The following LPAR1 variants were observed in gnomAD, a reference collection of about 807,000 sequenced individuals.
The protein encoded by LPAR1 is lysophosphatidic acid receptor 1.
LPAR1 carries 5 observed loss-of-function variants against 23.8 expected under a neutral mutation model. That is an observed-to-expected ratio of 0.21 (90% CI 0.11 to 0.44). The LOEUF is 0.44. LPAR1 is among the 20% of genes least tolerant of loss of function. The pLI is 0.99. For synonymous variants in LPAR1, 160 were observed against 164.7 expected, an observed-to-expected ratio of 0.97 and a Z score of 0.22; for missense variants, 311 against 482.8, an observed-to-expected ratio of 0.64 and a Z score of 3.33.
chr9:110,950,590 T>A (rs1194092523), intron 4 of LPAR1, among the ~76,000 whole-genome samples: 7 of 152,208 alleles, frequency 4.6e-5, no homozygotes, highest in Admixed American at 4.6e-4. Flanking sequence ...TTTAACAAAT[T>A]TTCTGAATTA....
At chr9:110,998,826 C>T (rs2097072568) in intron 2 of LPAR1, among the ~76,000 whole-genome samples, 1 of 152,156 alleles carries the variant, frequency 6.6e-6, no homozygotes, top group Admixed American at 6.5e-5. Flanking sequence ...AAGATCACAC[C>T]ATAGCTCTAC....
intron 2 of LPAR1, among the ~76,000 whole-genome samples, chr9:111,027,267 G>A (rs989963988): frequency 6.6e-6 from 1 of 152,086 alleles, no homozygotes. Context: ...AACAGTTTGG[G>A]AAGTCAAGGT....
chr9:110,962,766 AG>A (rs2096052484), intron 4 of LPAR1, among the ~76,000 whole-genome samples: 1 of 152,220 alleles, frequency 6.6e-6, no homozygotes, highest in Non-Finnish European at 1.5e-5. Flanking sequence ...GTTTAACTTA[AG>A]GGCAGCTCTT....
At position 111,025,014 on chromosome 9, in the gene LPAR1, G is replaced by A. The variant is rs139748813; in HGVS notation, c.-182+11108C>T. On this transcript the variant is annotated intron_variant, in intron 2 of 5. Transcript: ENST00000683809. ...AAATAGTGCTGCAATAAACATACGTGTGCATGTGTCTTTATAGTAGAATGA... is the reference window on the plus strand; with the variant it reads ...AAATAGTGCTGCAATAAACATACGTATGCATGTGTCTTTATAGTAGAATGA... 2.2e-3 allele frequency among the ~76,000 whole-genome samples: 338 copies of A among 152,242 alleles called. 2 individuals are homozygous for A. Among genetic ancestry groups the A allele is most frequent in the African/African-American group, 7.6e-3 (316 of 41,530 alleles).
chr9:110,948,057 T>C (rs574514567), intron 4 of LPAR1, among the ~76,000 whole-genome samples: 4 of 152,372 alleles, frequency 2.6e-5, no homozygotes, highest in Admixed American at 6.5e-5. Context: ...AATTTGTTTT[T>C]CAATAAGTTC....
chr9:110,995,148 T>C (rs971571423), intron 2 of LPAR1, among the ~76,000 whole-genome samples: 1 of 152,184 alleles, frequency 6.6e-6, no homozygotes, highest in Non-Finnish European at 1.5e-5. Context: ...TGGTACATTA[T>C]GAAATTTCTT....
intron 2 of LPAR1, among the ~76,000 whole-genome samples, chr9:110,985,196 G>A (rs1036700905): frequency 2.0e-5 from 3 of 151,998 alleles, no homozygotes; most frequent in African/African-American, 7.2e-5. Context: ...CTTATGTTTT[G>A]TTTTAAAATA....
chr9:110,977,834 GGGAAGGAAGGAGGGAAGGAAGGAA>G (rs1206936478), intron 2 of LPAR1, among the ~76,000 whole-genome samples: 133 of 108,614 alleles, frequency 1.2e-3, no homozygotes, highest in Middle Eastern at 5.2e-3. Flanking sequence ...GAGGGAGGGA[GGGAAGGAAGGAGGGAAGGAAGGAA>G]GGAAGGAAGG....
intron 5 of LPAR1, among the ~76,000 whole-genome samples, chr9:110,888,962 G>A (rs2083236885): frequency 6.6e-6 from 1 of 152,208 alleles, no homozygotes; most frequent in Non-Finnish European, 1.5e-5. Context: ...GAGAGAGCAG[G>A]AAAGAAACTG....
chr9:111,009,495 T>G (rs2097285643), intron 2 of LPAR1, among the ~76,000 whole-genome samples: 1 of 152,176 alleles, frequency 6.6e-6, no homozygotes, highest in Non-Finnish European at 1.5e-5. Flanking sequence ...TCATTTTTAT[T>G]TTTTGAAAAG....
chr9:111,023,053 CA>C (rs35394780), intron 2 of LPAR1, among the ~76,000 whole-genome samples: 14,449 of 57,002 alleles, frequency 0.25, 284 homozygotes, highest in Non-Finnish European at 0.26. Context: ...TCCGTCTCAA[CA>C]AAAAAAAAAA....
chr9:110,905,376 C>T (rs557466668), intron 5 of LPAR1, among the ~76,000 whole-genome samples: 6 of 146,468 alleles, frequency 4.1e-5, no homozygotes, highest in African/African-American at 1.3e-4. Context: ...GAAGGGGTCT[C>T]GCTCTATTAC....
chr9:110,966,635 T>TATAA, intron 4 of LPAR1, among the ~76,000 whole-genome samples: 1 of 151,944 alleles, frequency 6.6e-6, no homozygotes, highest in African/African-American at 2.4e-5. Flanking sequence ...TAAATTCAAA[T>TATAA]AAATATAAAA....
chr9:111,026,072 AT>A (rs1302079339), intron 2 of LPAR1, among the ~76,000 whole-genome samples: 1 of 152,168 alleles, frequency 6.6e-6, no homozygotes, highest in African/African-American at 2.4e-5. Flanking sequence ...AAGAAAGTCA[AT>A]GGTAGCTTGA....
At chr9:111,020,458 G>A (rs917074197) in intron 2 of LPAR1, among the ~76,000 whole-genome samples, 8 of 152,200 alleles carry the variant, frequency 5.3e-5, no homozygotes, top group African/African-American at 1.7e-4. Flanking sequence ...AACAATCAGC[G>A]AAGTTCAACT....
chr9:110,894,826 G>A (rs1397462627), intron 5 of LPAR1, among the ~76,000 whole-genome samples: 2 of 151,160 alleles, frequency 1.3e-5, no homozygotes, highest in Non-Finnish European at 2.9e-5. Flanking sequence ...CACCAGCCTG[G>A]GCAACGAGCT....
intron 2 of LPAR1, among the ~76,000 whole-genome samples, chr9:111,002,705 T>A (rs2097150292): frequency 6.6e-6 from 1 of 152,120 alleles, no homozygotes; most frequent in African/African-American, 2.4e-5. Flanking sequence ...GACCTAAAAC[T>A]CCAGAGATAG....
At chr9:110,893,491 T>G (rs1016471460) in intron 5 of LPAR1, among the ~76,000 whole-genome samples, 1 of 152,198 alleles carries the variant, frequency 6.6e-6, no homozygotes, top group Non-Finnish European at 1.5e-5. Flanking sequence ...ACTTATAAAA[T>G]TGCTATAGGT....
chr9:111,014,181 C>A (rs184945510), intron 2 of LPAR1, among the ~76,000 whole-genome samples: 12 of 152,252 alleles, frequency 7.9e-5, no homozygotes. Context: ...ACACCACAAT[C>A]ATGATTAAAC....
Sources: allele counts gnomAD v4.1 joint callset (sites outside exome capture counted in the v4.1 genomes callset), GRCh38; gene constraint gnomAD v4.1.1; transcripts MANE v1.5; gene names NCBI Gene and HGNC (gene_info 2026-07-23, HGNC 2026-07-21).